RNF185: variants seen among roughly 807,000 people sequenced by gnomAD.
RNF185 encodes ring finger protein 185.
In RNF185, 13 loss-of-function variants were observed where a neutral mutation model predicts 24.9. The ratio of observed to expected loss-of-function variants is 0.52; its 90% confidence interval spans 0.34 to 0.83. RNF185 has a LOEUF of 0.83. Among genes scored for constraint, RNF185 ranks in the 40% least tolerant of loss-of-function variants. The pLI, the probability that RNF185 is intolerant of heterozygous loss-of-function variation, is 0.01. For synonymous variants in RNF185, 79 were observed against 90.3 expected, an observed-to-expected ratio of 0.88 and a Z score of 0.71; for missense variants, 184 against 244.7, an observed-to-expected ratio of 0.75 and a Z score of 1.65.
intron 5 of RNF185, among the ~76,000 whole-genome samples, chr22:31,199,825 G>A (rs1052344670): frequency 1.3e-5 from 2 of 152,184 alleles, no homozygotes; most frequent in African/African-American, 4.8e-5. Context: ...GGCTTTATAG[G>A]TGATGCCATC....
At position 31,204,592 on chromosome 22, in the gene RNF185, G is replaced by C; in HGVS notation, c.*6G>C. On this transcript the variant is annotated 3_prime_UTR_variant, in exon 7 of 7. Coordinates refer to ENST00000326132, the MANE Select transcript of RNF185 (RefSeq NM_152267.4). ...TCTGGCTCCTGATTGCCTAATGCTG[G>C]GCTCCTGCCTACATCCGTGGCAGGG... 6.5e-7 allele frequency: 1 copy of C among 1,542,744 alleles called. No individual in the cohort carries two copies. The highest frequency in any genetic ancestry group is 9.0e-7 in the Non-Finnish European group (1 of 1,116,276).
chr22:31,200,528 A>G (rs1334542914), intron 5 of RNF185, among the ~76,000 whole-genome samples: 1 of 152,260 alleles, frequency 6.6e-6, no homozygotes, highest in Non-Finnish European at 1.5e-5. Flanking sequence ...TATATGTCCT[A>G]GTGCTTAACA....
rs540406188 is a variant in RNF185 at position 31,205,642 on chromosome 22, A to T, written c.*1056A>T. ...TTGTCTTTTATGAAGAGGCAAGGAA[A>T]GGGGAAACCCACATGTGACCCTGAT... On this transcript the variant is annotated 3_prime_UTR_variant, in exon 7 of 7. Transcript: ENST00000326132. 5 of 152,360 alleles carry T rather than the reference A, an allele frequency of 3.3e-5. No individual in the cohort carries two copies. The East Asian group carries it at 9.6e-4, about 29-fold the overall frequency. The allele number at this position is 152,360 out of a possible 1,614,324, so 9.4% of individuals were successfully genotyped here. A position where few individuals can be genotyped will look rare whatever the true frequency, so the allele number is the denominator to read the frequency against.
intron 5 of RNF185, among the ~76,000 whole-genome samples, chr22:31,198,912 TG>T (rs1022811552): frequency 6.7e-6 from 1 of 150,320 alleles, no homozygotes; most frequent in Non-Finnish European, 1.5e-5. Flanking sequence ...CTGACCAATA[TG>T]GTGAAACCCT....
In RNF185 at chr22:31,187,217, C is replaced by G. The variant is rs779028630; in HGVS notation, c.123C>G (p.Ile41Met). 65 of 1,614,040 alleles carry G rather than the reference C, an allele frequency of 4.0e-5. No homozygotes were observed. The highest frequency in any genetic ancestry group is 5.4e-5 in the Non-Finnish European group (64 of 1,180,010). Reference sequence around the variant, plus strand: ...AGGACAGCACTTTCGAGTGCAACATCTGCTTGGACACAGCCAAGGATGCCG... The same window carrying G: ...AGGACAGCACTTTCGAGTGCAACATGTGCTTGGACACAGCCAAGGATGCCG... ...GGQDSTFECN[I>M]CLDTAKDAVI... Residue 41 changes from isoleucine (I) to methionine (M), a missense_variant, in exon 2 of 7, where the codon ATC becomes ATG. Physicochemically the swap from Ile to Met is conservative, Grantham distance 10. Transcript: ENST00000326132.
chr22:31,182,102 G>T, intron 1 of RNF185, among the ~76,000 whole-genome samples: 1 of 144,108 alleles, frequency 6.9e-6, no homozygotes, highest in African/African-American at 2.5e-5. Context: ...AAAATTAACA[G>T]TAATTCCTTT....
rs1242646845 is a variant in RNF185, at chr22:31,161,265, G to A, written c.-49+962G>A. On this transcript the variant is annotated intron_variant, in intron 1 of 6. Coordinates refer to ENST00000326132, the MANE Select transcript of RNF185 (RefSeq NM_152267.4). ...ATTGCCTCCGTGCCTCCTTTCGAGG[G>A]AGGTATATAGGTATTAGATGAAGGT... Among the ~76,000 whole-genome samples the A allele has an allele frequency of 5.9e-5, 9 of 152,290 alleles. No individual in the cohort carries two copies. The East Asian group carries it at 1.7e-3, about 29-fold the overall frequency.
intron 5 of RNF185, among the ~76,000 whole-genome samples, chr22:31,198,801 A>G (rs1388232329): frequency 6.8e-6 from 1 of 146,342 alleles, no homozygotes; most frequent in African/African-American, 2.5e-5. Flanking sequence ...CTTGAAAGAA[A>G]TTAAGGTTCT....
At chr22:31,197,981 G>A (rs890542262) in intron 5 of RNF185, among the ~76,000 whole-genome samples, 2 of 152,040 alleles carry the variant, frequency 1.3e-5, no homozygotes, top group Non-Finnish European at 2.9e-5. Flanking sequence ...TACATTTTTT[G>A]CATATTTACA....
chr22:31,190,959 T>C (rs1405713110), intron 2 of RNF185, among the ~76,000 whole-genome samples: 3 of 152,240 alleles, frequency 2.0e-5, no homozygotes, highest in Admixed American at 6.5e-5. Flanking sequence ...CAGTTACCTA[T>C]GATACTCACA....
intron 1 of RNF185, among the ~76,000 whole-genome samples, chr22:31,183,458 C>T (rs1001677996): frequency 1.3e-5 from 2 of 151,216 alleles, no homozygotes; most frequent in Non-Finnish European, 2.9e-5. Flanking sequence ...GGTCATAGGA[C>T]AATAGTGGAG....
At chr22:31,176,928 A>T (rs1247397293) in intron 1 of RNF185, among the ~76,000 whole-genome samples, 2 of 152,184 alleles carry the variant, frequency 1.3e-5, no homozygotes, top group Non-Finnish European at 2.9e-5. Context: ...AATGGGAGCT[A>T]GTTGGGGAGA....
At chr22:31,186,046 C>T (rs1406512510) in intron 1 of RNF185, among the ~76,000 whole-genome samples, 2 of 152,064 alleles carry the variant, frequency 1.3e-5, no homozygotes, top group African/African-American at 4.8e-5. Flanking sequence ...TGAGGGTAAA[C>T]TTTTCATTTG....
At chr22:31,188,801 A>AGAGAGACC (rs2048124308) in intron 2 of RNF185, among the ~76,000 whole-genome samples, 1 of 151,422 alleles carries the variant, frequency 6.6e-6, no homozygotes. Context: ...TAGGCGACAG[A>AGAGAGACC]GAGAGACCCT....
chr22:31,174,046 G>A (rs2047957798), intron 1 of RNF185, among the ~76,000 whole-genome samples: 1 of 152,176 alleles, frequency 6.6e-6, no homozygotes, highest in African/African-American at 2.4e-5. Context: ...AAGGGAGGGG[G>A]ATTAACATTT....
intron 2 of RNF185, among the ~76,000 whole-genome samples, chr22:31,189,016 C>A (rs1251011786): frequency 6.8e-6 from 1 of 147,360 alleles, no homozygotes; most frequent in Non-Finnish European, 1.5e-5. Flanking sequence ...GTCCCAGCTG[C>A]TGGGGAGGCT....
Position 31,160,206 on chromosome 22 carries a change from G to A in RNF185, c.-146G>A, listed in dbSNP as rs1304111439. On this transcript the variant is annotated 5_prime_UTR_variant, in exon 1 of 7. Coordinates refer to ENST00000326132, the MANE Select transcript of RNF185 (RefSeq NM_152267.4). Reference sequence around the variant, plus strand: ...CATGTGACTGGAGTCCGCGTAGGAGGGGTCGGAGGTCTTACCCAACAGATT... The same window carrying A: ...CATGTGACTGGAGTCCGCGTAGGAGAGGTCGGAGGTCTTACCCAACAGATT... The A allele has an allele frequency of 1.3e-5, 2 of 152,834 alleles. No homozygotes were observed. The highest frequency in any genetic ancestry group is 4.8e-5 in the African/African-American group (2 of 41,470). The allele number at this position is 152,834 out of a possible 1,614,324, so 9.5% of individuals were successfully genotyped here. A position where few individuals can be genotyped will look rare whatever the true frequency, so the allele number is the denominator to read the frequency against.
chr22:31,177,388 G>A (rs1186795427), intron 1 of RNF185, among the ~76,000 whole-genome samples: 2 of 152,106 alleles, frequency 1.3e-5, no homozygotes, highest in African/African-American at 2.4e-5. Context: ...AAAGAAGCCA[G>A]TCCTTTCAGC....
chr22:31,200,000 C>A (rs1231587324), intron 5 of RNF185, among the ~76,000 whole-genome samples: 1 of 152,122 alleles, frequency 6.6e-6, no homozygotes, highest in African/African-American at 2.4e-5. Flanking sequence ...ATCATTTGTT[C>A]TAAACCTCTC....
Sources: gnomAD v4.1 joint callset for allele counts (sites outside exome capture counted in the v4.1 genomes callset) on GRCh38, gnomAD v4.1.1 for gene constraint, MANE v1.5 for transcripts, NCBI Gene and HGNC (gene_info 2026-07-23, HGNC 2026-07-21) for gene names.